Variants in SCN2A observed in about 807,000 individuals in gnomAD.
SCN2A encodes sodium voltage-gated channel alpha subunit 2, also known as sodium channel protein type 2 subunit alpha.
Under a neutral mutation model 188.7 loss-of-function variants are expected in SCN2A, and 20 were observed. The observed-to-expected ratio is 0.11, with a 90% CI of 0.07 to 0.15. The LOEUF (loss-of-function observed/expected upper bound fraction) is 0.15. Ranked by LOEUF, SCN2A falls within the 10% of genes least tolerant of loss-of-function variation. The pLI is 1.00. For synonymous variants in SCN2A, 804 were observed against 833.1 expected (o/e 0.97, Z 0.60); for missense variants, 1,278 against 2,445.0 (o/e 0.52, Z 10.07).
At chr2:165,315,973 G>GA (rs1158295888) in intron 11 of SCN2A, among the ~76,000 whole-genome samples, 2 of 152,114 alleles carry the variant, frequency 1.3e-5, no homozygotes, top group East Asian at 3.9e-4. Context: ...TCTGGGTTTG[G>GA]AAAAATTTGC....
At chr2:165,301,470 A>G (rs1199508926) in intron 3 of SCN2A, among the ~76,000 whole-genome samples, 1 of 152,222 alleles carries the variant, frequency 6.6e-6, no homozygotes, top group Non-Finnish European at 1.5e-5. Context: ...GAAAACGTAG[A>G]TTCAAACCCT....
intron 19 of SCN2A, among the ~76,000 whole-genome samples, chr2:165,367,823 G>A (rs1377317357): frequency 6.6e-6 from 1 of 152,198 alleles, no homozygotes; most frequent in Non-Finnish European, 1.5e-5. Flanking sequence ...GTGACTGGGT[G>A]CAGGAGCCAA....
intron 22 of SCN2A, among the ~76,000 whole-genome samples, chr2:165,376,371 T>C (rs541941107): frequency 2.1e-4 from 32 of 152,024 alleles, no homozygotes; most frequent in Middle Eastern, 3.4e-3. Context: ...TAAAAATGCA[T>C]ATACATTTTA....
At chr2:165,297,223 C>A in intron 3 of SCN2A, 88 bp downstream of exon 3, 2 of 785,220 alleles carry the variant, frequency 2.5e-6, no homozygotes, top group South Asian at 1.4e-5. Context: ...CTGTGGTTGG[C>A]AATGTTATGT....
intron 1 of SCN2A, among the ~76,000 whole-genome samples, chr2:165,244,971 A>G (rs79817694): frequency 2.2e-5 from 3 of 139,148 alleles, no homozygotes; most frequent in South Asian, 4.6e-4. Flanking sequence ...AAATATCATG[A>G]AAAAAAGAAA....
chr2:165,337,008 G>A (rs560912319), intron 14 of SCN2A, among the ~76,000 whole-genome samples: 1 of 151,844 alleles, frequency 6.6e-6, no homozygotes, highest in African/African-American at 2.4e-5. Flanking sequence ...GGAACAAATT[G>A]TTAGAATAAA....
intron 22 of SCN2A, among the ~76,000 whole-genome samples, chr2:165,376,797 A>T (rs1279607583): frequency 1.3e-5 from 2 of 151,836 alleles, no homozygotes; most frequent in Non-Finnish European, 1.5e-5. Context: ...GCAAATGAAA[A>T]CTTTCCAATT....
At chr2:165,321,168 C>A (rs974425668) in intron 11 of SCN2A, among the ~76,000 whole-genome samples, 3 of 152,166 alleles carry the variant, frequency 2.0e-5, no homozygotes, top group Admixed American at 2.0e-4. Context: ...GGCCAAAATG[C>A]CACCAGTCTC....
chr2:165,315,800 T>C, intron 11 of SCN2A, 42 bp downstream of exon 11: 1 of 1,595,600 alleles, frequency 6.3e-7, no homozygotes, highest in Non-Finnish European at 8.6e-7. Flanking sequence ...TCATAAATTT[T>C]TTAAAAAAAT....
chr2:165,252,152 T>G (rs915285401), intron 1 of SCN2A, among the ~76,000 whole-genome samples: 1 of 151,860 alleles, frequency 6.6e-6, no homozygotes, highest in African/African-American at 2.4e-5. Flanking sequence ...TAGAAGCAAG[T>G]CAGGAAAACT....
chr2:165,294,204 C>A, intron 1 of SCN2A: 1 of 746,440 alleles, frequency 1.3e-6, no homozygotes, highest in Non-Finnish European at 1.6e-6. Flanking sequence ...TAGTAGAATC[C>A]TTGGGGAAAT....
At chr2:165,314,986 A>C (rs1697653732) in intron 10 of SCN2A, among the ~76,000 whole-genome samples, 1 of 152,186 alleles carries the variant, frequency 6.6e-6, no homozygotes, top group Non-Finnish European at 1.5e-5. Context: ...TTAGTGAAAT[A>C]CCCAATTTAA....
In SCN2A at chr2:165,255,894, C is replaced by T. The variant is rs186880548; in HGVS notation, c.-52+16254C>T. Among the ~76,000 whole-genome samples, 434 of 151,830 alleles carry T rather than the reference C, an allele frequency of 2.9e-3. 3 individuals are homozygous for T. The highest frequency in any genetic ancestry group is 9.8e-3 in the African/African-American group (405 of 41,386). On this transcript the variant is annotated intron_variant, in intron 1 of 26. Coordinates refer to ENST00000375437, the MANE Select transcript of SCN2A (RefSeq NM_001040142.2). ...CAGATTTTTCTTCCCCGCCCACCCCCCTTGGAAACAAACCATTTTCCCCTA... is the reference window on the plus strand; with the variant it reads ...CAGATTTTTCTTCCCCGCCCACCCCTCTTGGAAACAAACCATTTTCCCCTA...
chr2:165,252,213 C>T (rs1264709458), intron 1 of SCN2A, among the ~76,000 whole-genome samples: 1 of 151,842 alleles, frequency 6.6e-6, no homozygotes, highest in East Asian at 1.9e-4. Flanking sequence ...TAGAAATATC[C>T]CATGCATATA....
intron 16 of SCN2A, among the ~76,000 whole-genome samples, chr2:165,351,607 G>A (rs922908678): frequency 3.3e-5 from 5 of 152,034 alleles, no homozygotes; most frequent in Admixed American, 3.3e-4. Flanking sequence ...TATTAACTGT[G>A]GTCTTGGACA....
intron 1 of SCN2A, among the ~76,000 whole-genome samples, chr2:165,278,138 T>C (rs1695423613): frequency 6.6e-6 from 1 of 152,150 alleles, no homozygotes; most frequent in Non-Finnish European, 1.5e-5. Context: ...GTAGTGAAAA[T>C]AGCTTAAACA....
In SCN2A at chr2:165,365,200, G is replaced by C. The variant is rs200138205; in HGVS notation, c.3457G>C (p.Glu1153Gln). The C allele has an allele frequency of 2.0e-5, 32 of 1,613,778 alleles. 1 individual carries two copies. Among genetic ancestry groups the C allele is most frequent in the Middle Eastern group, 3.3e-4 (2 of 6,082 alleles). Residue 1153 changes from glutamate to glutamine, a missense_variant, in exon 18 of 27, where the codon GAG becomes CAG. Transcript: ENST00000375437. ...CACGGTTGATATTGGAGCTCCCGCC[G>C]AGGGAGAACAGCCTGAGGTTGAACC... Reference protein sequence around the residue: ...GSTVDIGAPAEGEQPEVEPEE... With the variant: ...GSTVDIGAPAQGEQPEVEPEE...
intron 3 of SCN2A, among the ~76,000 whole-genome samples, chr2:165,297,744 G>T (rs1269635326): frequency 2.0e-5 from 3 of 151,680 alleles, no homozygotes; most frequent in Non-Finnish European, 1.5e-5. Flanking sequence ...TTTATCACTT[G>T]TTCCTATGTT....
chr2:165,257,012 A>G lies in SCN2A; in HGVS notation c.-52+17372A>G, dbSNP rs1280268151. Among the ~76,000 whole-genome samples, 7 of 152,164 alleles carry G rather than the reference A, an allele frequency of 4.6e-5. No homozygotes were observed. The East Asian group carries it at 9.6e-4, about 21-fold the overall frequency. ...TTTAACTTTGCTCATTTAAATATAC[A>G]GTGGCCTAAGGAAACTAAGAACCAA... On this transcript the variant is annotated intron_variant, in intron 1 of 26. Coordinates refer to ENST00000375437, the MANE Select transcript of SCN2A (RefSeq NM_001040142.2).
Sources: gnomAD v4.1 joint callset for allele counts (sites outside exome capture counted in the v4.1 genomes callset) on GRCh38, gnomAD v4.1.1 for gene constraint, MANE v1.5 for transcripts, NCBI Gene and HGNC (gene_info 2026-07-23, HGNC 2026-07-21) for gene names.